CEP192: variants seen among roughly 807,000 people sequenced by gnomAD.
CEP192 encodes the protein centrosomal protein 192, also known as centrosomal protein of 192 kDa.
A neutral mutation model predicts 271.8 loss-of-function variants in CEP192; 151 were observed. That is an observed-to-expected ratio of 0.56 (90% CI 0.49 to 0.64). CEP192 has a LOEUF of 0.64. Ranked by LOEUF, CEP192 falls within the 30% of genes least tolerant of loss-of-function variation. The pLI is 0.00. For synonymous variants in CEP192, 995 were observed against 1,076.5 expected (o/e 0.92, Z 1.48); for missense variants, 2,910 against 3,020.5 (o/e 0.96, Z 0.86).
chr18:13,082,105 T>C (rs1598544376), intron 30 of CEP192, among the ~76,000 whole-genome samples: 1 of 152,334 alleles, frequency 6.6e-6, no homozygotes, highest in East Asian at 1.9e-4. Flanking sequence ...GAGAGTTCTG[T>C]AGATGTCTAT....
intron 1 of CEP192, among the ~76,000 whole-genome samples, chr18:12,992,791 G>A (rs1174489925): frequency 6.6e-6 from 1 of 152,162 alleles, no homozygotes; most frequent in Non-Finnish European, 1.5e-5. Flanking sequence ...AGTTGACAGG[G>A]ATTGTCAGCT....
intron 44 of CEP192, among the ~76,000 whole-genome samples, chr18:13,121,366 C>G (rs1182750254): frequency 6.6e-6 from 1 of 152,096 alleles, no homozygotes; most frequent in African/African-American, 2.4e-5. Context: ...CCAAGGCCAC[C>G]GGAAGGCCTG....
intron 36 of CEP192, among the ~76,000 whole-genome samples, chr18:13,096,815 A>G (rs752324848): frequency 4.4e-4 from 67 of 152,172 alleles, no homozygotes; most frequent in Non-Finnish European, 7.6e-4. Flanking sequence ...TATGTAGAAT[A>G]TTCTAGGACA....
chr18:13,096,216 G>A lies in CEP192; in HGVS notation c.6466G>A (p.Val2156Met). ...DMAKTGRFQI[V>M]NNSVRLLRFE... ...GGCAAAAACTGGACGTTTCCAGATTGTGAATAACTCTGTGAGGTTACTGAG... is the reference window on the plus strand; with the variant it reads ...GGCAAAAACTGGACGTTTCCAGATTATGAATAACTCTGTGAGGTTACTGAG... Residue 2156 changes from valine to methionine, a missense_variant, in exon 36 of 45, where the codon GTG (valine) becomes ATG (methionine). Val to Met is a conservative substitution (Grantham distance 21). Coordinates refer to ENST00000506447, the MANE Select transcript of CEP192 (RefSeq NM_032142.4). The A allele has an allele frequency of 6.2e-7, 1 of 1,614,124 alleles. No homozygotes were observed. The highest frequency in any genetic ancestry group is 8.5e-7 in the Non-Finnish European group (1 of 1,179,966).
intron 15 of CEP192, among the ~76,000 whole-genome samples, chr18:13,047,907 A>G (rs1471582353): frequency 2.0e-5 from 3 of 152,210 alleles, no homozygotes; most frequent in Non-Finnish European, 2.9e-5. Context: ...ATCTGATTCA[A>G]TTTTACCATG....
intron 8 of CEP192, 52 bp downstream of exon 8, chr18:13,018,667 C>A: frequency 8.0e-7 from 1 of 1,245,112 alleles, no homozygotes; most frequent in Non-Finnish European, 1.1e-6. Context: ...TTTGACTTTA[C>A]TTTTTTTAAA....
chr18:13,055,266 C>CGA (rs548269256), intron 18 of CEP192, among the ~76,000 whole-genome samples: 188 of 147,520 alleles, frequency 1.3e-3, no homozygotes, highest in African/African-American at 4.5e-3. Context: ...GCAACAAGAG[C>CGA]GAGACTCTGT....
intron 9 of CEP192, among the ~76,000 whole-genome samples, chr18:13,024,009 A>C (rs1266324356): frequency 6.6e-6 from 1 of 152,054 alleles, no homozygotes; most frequent in African/African-American, 2.4e-5. Flanking sequence ...CATTATATCT[A>C]GTTGATTGTT....
intron 3 of CEP192, among the ~76,000 whole-genome samples, chr18:13,002,463 C>A (rs192085514): frequency 4.2e-4 from 64 of 152,208 alleles, no homozygotes; most frequent in Admixed American, 1.4e-3. Context: ...AGGTAATGAA[C>A]TTCCCTACAT....
intron 26 of CEP192, 93 bp downstream of exon 26, chr18:13,069,274 A>C (rs1266354965): frequency 2.9e-6 from 3 of 1,040,556 alleles, no homozygotes; most frequent in Admixed American, 3.5e-5. Context: ...TTCCTGGCCC[A>C]ACAGAGTGCC....
chr18:13,071,882 CTA>C (rs1195254593), intron 28 of CEP192, among the ~76,000 whole-genome samples: 1 of 152,176 alleles, frequency 6.6e-6, no homozygotes, highest in Admixed American at 6.5e-5. Context: ...TGATATGACT[CTA>C]TGGAAACCTA....
At chr18:13,013,887 G>A (rs1009711956) in intron 5 of CEP192, among the ~76,000 whole-genome samples, 2 of 152,164 alleles carry the variant, frequency 1.3e-5, no homozygotes, top group African/African-American at 2.4e-5. Flanking sequence ...AATGCAAAAG[G>A]GTCTAAAGTA....
At chr18:13,069,631 A>G in intron 26 of CEP192, 107 bp from the exon 27 acceptor site, 1 of 700,474 alleles carries the variant, frequency 1.4e-6, no homozygotes. Context: ...GAAGGGGACA[A>G]ACAACCTGTC....
chr18:13,112,954 G>A (rs1450823306), intron 40 of CEP192, among the ~76,000 whole-genome samples: 1 of 152,220 alleles, frequency 6.6e-6, no homozygotes, highest in East Asian at 1.9e-4. Context: ...ATTGGTAATT[G>A]TTATAAAATG....
intron 11 of CEP192, among the ~76,000 whole-genome samples, chr18:13,036,349 G>A (rs112932091): frequency 6.6e-6 from 1 of 152,280 alleles, no homozygotes; most frequent in African/African-American, 2.4e-5. Context: ...AAGGAGCAGT[G>A]TGGATCTGAT....
rs1226565844 is a variant in CEP192, at chr18:13,001,944, T to A, written c.290+362T>A. On this transcript the variant is annotated intron_variant, in intron 3 of 44. Transcript: ENST00000506447. ...CTGGTCTCAAACTCCTGACCTCAAG[T>A]GAACCGCCCCACCCGCGTTGGCCTC... Among the ~76,000 whole-genome samples the A allele has an allele frequency of 2.0e-5, 3 of 152,288 alleles. No homozygotes were observed. In the South Asian group the frequency reaches 6.2e-4, roughly 32 times the overall value.
At chr18:13,106,540 C>CAT (rs2039960155) in intron 40 of CEP192, among the ~76,000 whole-genome samples, 1 of 144,966 alleles carries the variant, frequency 6.9e-6, no homozygotes, top group African/African-American at 2.7e-5. Context: ...CACCACCTCC[C>CAT]CCATCTCCCA....
At chr18:13,037,433 ACTT>A in intron 12 of CEP192, 132 bp downstream of exon 12, 2 of 488,956 alleles carry the variant, frequency 4.1e-6, no homozygotes, top group Non-Finnish European at 3.6e-6. Flanking sequence ...TGGCTAGACA[ACTT>A]CTGCTTTTTC....
intron 27 of CEP192, among the ~76,000 whole-genome samples, chr18:13,070,322 C>CT (rs1568371068): frequency 6.6e-6 from 1 of 152,126 alleles, no homozygotes; most frequent in Non-Finnish European, 1.5e-5. Flanking sequence ...ATTGTCTTCT[C>CT]TTTTTTTGAC....
Sources: allele counts gnomAD v4.1 joint callset (sites outside exome capture counted in the v4.1 genomes callset), GRCh38; gene constraint gnomAD v4.1.1; transcripts MANE v1.5; gene names NCBI Gene and HGNC (gene_info 2026-07-23, HGNC 2026-07-21).